Variants in ICA1 observed in about 807,000 individuals in gnomAD.
ICA1 encodes islet cell autoantigen 1.
Under a neutral mutation model 71.0 loss-of-function variants are expected in ICA1, and 40 were observed. The observed-to-expected ratio is 0.56, with a 90% confidence interval of 0.44 to 0.73. The LOEUF is 0.73. ICA1 is among the 30% of genes least tolerant of loss of function. ICA1 has a pLI of 0.00. For missense variants in ICA1, 578 were observed against 576.5 expected, an observed-to-expected ratio of 1.00 and a Z score of -0.03; for synonymous variants, 207 against 209.5, an observed-to-expected ratio of 0.99 and a Z score of 0.10.
chr7:8,162,324 C>T (rs867988975), intron 6 of ICA1, among the ~76,000 whole-genome samples: 2 of 152,222 alleles, frequency 1.3e-5, no homozygotes, highest in Non-Finnish European at 2.9e-5. Flanking sequence ...TGTATGTCAA[C>T]AATGATTATT....
chr7:8,119,233 A>G (rs949730616), intron 13 of ICA1, among the ~76,000 whole-genome samples: 4 of 152,074 alleles, frequency 2.6e-5, no homozygotes, highest in Non-Finnish European at 2.9e-5. Flanking sequence ...TTCCAGAGAG[A>G]ACTTGAACTG....
At chr7:8,201,986 C>T (rs1481697817) in intron 6 of ICA1, among the ~76,000 whole-genome samples, 1 of 152,208 alleles carries the variant, frequency 6.6e-6, no homozygotes, top group Non-Finnish European at 1.5e-5. Flanking sequence ...GCCTCAAGGA[C>T]ACCATGTCCC....
intron 1 of ICA1, among the ~76,000 whole-genome samples, chr7:8,253,873 A>T (rs1282070873): frequency 2.0e-5 from 3 of 152,228 alleles, no homozygotes; most frequent in Non-Finnish European, 4.4e-5. Context: ...TAACAGTGTG[A>T]AGGAAGAACC....
chr7:8,158,572 T>C lies in ICA1; in HGVS notation c.660A>G (p.Gly220=). ...GAGACAAGAGATTGCATCTGCTCGCTCCAAGAAGATCCACTTTTTGACAAA... is the reference window on the plus strand; with the variant it reads ...GAGACAAGAGATTGCATCTGCTCGCCCCAAGAAGATCCACTTTTTGACAAA... ...MDVCQKVDLL[G]ASRCNLLSHM... The change falls in exon 7 of 14, where the codon GGA becomes GGG. Residue 220 remains glycine (G), a synonymous_variant. Transcript: ENST00000402384. 6.2e-7 allele frequency: 1 copy of C among 1,614,136 alleles called. No individual in the cohort carries two copies.
intron 6 of ICA1, among the ~76,000 whole-genome samples, chr7:8,200,338 C>CAAAAAAAAAAAAAAAAAA (rs34371233): frequency 4.4e-5 from 3 of 67,960 alleles, no homozygotes; most frequent in African/African-American, 6.0e-5. Context: ...CACAGTTGAG[C>CAAAAAAAAAAAAAAAAAA]AAAAAAAAAA....
intron 6 of ICA1, among the ~76,000 whole-genome samples, chr7:8,192,769 T>C (rs1012889902): frequency 2.0e-5 from 3 of 152,218 alleles, no homozygotes; most frequent in Admixed American, 1.3e-4. Flanking sequence ...AAGTAGCTCA[T>C]GGATTCTTAC....
rs1040819407 is a variant in ICA1 at position 8,158,410 on chromosome 7, G to T, written c.705+117C>A. On this transcript the variant is annotated intron_variant, in intron 7 of 13. Transcript: ENST00000402384. ...GCAGAGATGTGGGAAGTGAAATTAC[G>T]GAAAGGCATTCAGAACTTCACAATG... 3 of 1,274,272 alleles carry T rather than the reference G, an allele frequency of 2.4e-6. No homozygotes were observed. In the Admixed American group the frequency reaches 6.1e-5, roughly 26 times the overall value. 78.9% of individuals were successfully genotyped at this position (1,274,272 alleles called of 1,614,324 possible).
chr7:8,118,801 A>G (rs1785635388), intron 13 of ICA1, among the ~76,000 whole-genome samples: 1 of 151,774 alleles, frequency 6.6e-6, no homozygotes, highest in Non-Finnish European at 1.5e-5. Flanking sequence ...CTTTCCCCTA[A>G]CCCCTGCAGC....
intron 1 of ICA1, among the ~76,000 whole-genome samples, chr7:8,257,035 A>T (rs1052444831): frequency 6.6e-6 from 1 of 152,200 alleles, no homozygotes; most frequent in Admixed American, 6.5e-5. Flanking sequence ...TCCTGTTTTT[A>T]ACTACTCTGC....
chr7:8,133,154 G>C (rs565259236), intron 12 of ICA1, among the ~76,000 whole-genome samples: 74 of 152,292 alleles, frequency 4.9e-4, no homozygotes, highest in African/African-American at 1.7e-3. Context: ...AGAGACCTGA[G>C]GGAGCACATT....
At chr7:8,142,330 C>T (rs988779663) in intron 9 of ICA1, among the ~76,000 whole-genome samples, 11 of 152,182 alleles carry the variant, frequency 7.2e-5, no homozygotes, top group Non-Finnish European at 8.8e-5. Flanking sequence ...CACTTGGTGC[C>T]TCCGAGCCTT....
At chr7:8,221,434 T>C (rs1583417168) in intron 4 of ICA1, 36 bp from the exon 5 acceptor site, 2 of 1,609,784 alleles carry the variant, frequency 1.2e-6, no homozygotes, top group East Asian at 2.2e-5. Flanking sequence ...CCATGAACAA[T>C]GAGCATTTTG....
At position 8,117,730 on chromosome 7, in the gene ICA1, C is replaced by T. The variant is rs185219003; in HGVS notation, c.1331-3686G>A. 1.0e-3 allele frequency among the ~76,000 whole-genome samples: 153 copies of T among 152,262 alleles called. 1 individual carries two copies. Among genetic ancestry groups the T allele is most frequent in the Middle Eastern group, 3.4e-3 (1 of 294 alleles). On this transcript the variant is annotated intron_variant, in intron 13 of 13. Transcript: ENST00000402384. The stretch of plus-strand genomic sequence containing the variant: ...TGTTTTTTAAGGAAAAGATTTGTAT[C>T]TGATAAGGCCCTCAAGAGAGATCAT...
intron 3 of ICA1, among the ~76,000 whole-genome samples, chr7:8,229,762 A>C (rs1026612905): frequency 3.3e-5 from 5 of 152,236 alleles, no homozygotes; most frequent in Admixed American, 1.3e-4. Context: ...AAGAATATAA[A>C]TTTGCTAATT....
intron 6 of ICA1, among the ~76,000 whole-genome samples, chr7:8,160,216 C>T (rs921436553): frequency 2.6e-5 from 4 of 151,968 alleles, no homozygotes; most frequent in African/African-American, 9.7e-5. Context: ...AAAATAAATA[C>T]ATAGATCATT....
chr7:8,206,733 GAAAAAA>G (rs60704635), intron 6 of ICA1, among the ~76,000 whole-genome samples: 1 of 135,614 alleles, frequency 7.4e-6, no homozygotes, highest in African/African-American at 3.2e-5. Flanking sequence ...GGTTTAAAAT[GAAAAAA>G]AAAAAAAAAA....
At chr7:8,209,508 A>C (rs1792851238) in intron 6 of ICA1, among the ~76,000 whole-genome samples, 1 of 152,230 alleles carries the variant, frequency 6.6e-6, no homozygotes, top group African/African-American at 2.4e-5. Flanking sequence ...ATACATTTAT[A>C]AGATGCATAT....
intron 1 of ICA1, among the ~76,000 whole-genome samples, chr7:8,237,372 G>A (rs1802178200): frequency 6.6e-6 from 1 of 152,096 alleles, no homozygotes; most frequent in Non-Finnish European, 1.5e-5. Flanking sequence ...CAAAGGAAAT[G>A]GAATTATCAT....
intron 6 of ICA1, among the ~76,000 whole-genome samples, chr7:8,197,259 TA>T (rs1249014465): frequency 2.0e-5 from 3 of 150,840 alleles, no homozygotes; most frequent in Non-Finnish European, 1.5e-5. Context: ...CCAACCACAT[TA>T]AAAAAAAGAA....
Sources: gnomAD v4.1 joint callset for allele counts (sites outside exome capture counted in the v4.1 genomes callset) on GRCh38, gnomAD v4.1.1 for gene constraint, MANE v1.5 for transcripts, NCBI Gene and HGNC (gene_info 2026-07-23, HGNC 2026-07-21) for gene names.